The following FAM168B variants were observed in gnomAD, a reference collection of about 807,000 sequenced individuals.
FAM168B encodes the protein myelin-associated neurite-outgrowth inhibitor.
FAM168B carries 19 observed loss-of-function variants against 21.8 expected under a neutral mutation model. The ratio of observed to expected loss-of-function variants is 0.87; its 90% CI spans 0.61 to 1.28. The LOEUF (loss-of-function observed/expected upper bound fraction) is 1.28, where lower values mean the gene tolerates loss of function less well. Ranked by LOEUF, FAM168B falls within the 50% of genes most tolerant of loss-of-function variation. The probability of loss-of-function intolerance (pLI) is 0.00; values close to 1 mark genes in which losing one functional copy is unlikely to be tolerated. For missense variants in FAM168B, 233 were observed against 263.1 expected (o/e 0.89, Z 0.79); for synonymous variants, 126 against 104.8 (o/e 1.20, Z -1.24).
chr2:131,052,705 T>C (rs1045173338), intron 6 of FAM168B, among the ~76,000 whole-genome samples, 186 bp downstream of exon 6: 2 of 152,170 alleles, frequency 1.3e-5, no homozygotes, highest in African/African-American at 2.4e-5. Flanking sequence ...AGGTATTCAA[T>C]GGTTCCTTCC....
At chr2:131,076,168 T>G (rs2105543078) in intron 2 of FAM168B, among the ~76,000 whole-genome samples, 1 of 152,318 alleles carries the variant, frequency 6.6e-6, no homozygotes, top group South Asian at 2.1e-4. Context: ...ACAGTGAATC[T>G]GCAGGGTTCC....
intron 3 of FAM168B, among the ~76,000 whole-genome samples, chr2:131,057,214 G>A (rs992036624): frequency 2.6e-5 from 4 of 152,084 alleles, no homozygotes; most frequent in Non-Finnish European, 5.9e-5. Flanking sequence ...GAAAACACAG[G>A]TCCACGAAAG....
At chr2:131,078,945 C>A in intron 2 of FAM168B, among the ~76,000 whole-genome samples, 1 of 151,376 alleles carries the variant, frequency 6.6e-6, no homozygotes, top group East Asian at 1.9e-4. Flanking sequence ...CGTGACTACA[C>A]CACTGCACTG....
At chr2:131,091,579 G>A (rs1200368236) in intron 1 of FAM168B, among the ~76,000 whole-genome samples, 2 of 151,360 alleles carry the variant, frequency 1.3e-5, no homozygotes, top group Middle Eastern at 3.2e-3. Flanking sequence ...CCCGGGAGGC[G>A]GAGGTTGCAG....
chr2:131,077,689 G>A (rs566703162), intron 2 of FAM168B, among the ~76,000 whole-genome samples: 2 of 152,328 alleles, frequency 1.3e-5, no homozygotes, highest in African/African-American at 4.8e-5. Context: ...GGCCGTGGCT[G>A]GAGGACAGAG....
intron 5 of FAM168B, among the ~76,000 whole-genome samples, 159 bp from the exon 6 acceptor site, chr2:131,053,174 C>T (rs7603121): frequency 0.022 from 3,296 of 152,266 alleles, 127 homozygotes; most frequent in African/African-American, 0.075. Context: ...AGATAATCCC[C>T]CACACCCAAA....
At chr2:131,083,231 G>A (rs934458183) in intron 1 of FAM168B, among the ~76,000 whole-genome samples, 3 of 152,330 alleles carry the variant, frequency 2.0e-5, no homozygotes, top group East Asian at 1.9e-4. Flanking sequence ...GCGCGTGCCT[G>A]TAATCCCAGC....
intron 5 of FAM168B, among the ~76,000 whole-genome samples, chr2:131,053,533 T>TA (rs1691822819): frequency 6.6e-6 from 1 of 152,220 alleles, no homozygotes; most frequent in Non-Finnish European, 1.5e-5. Context: ...TCTGGAGCTC[T>TA]GTTTCACAAC....
intron 1 of FAM168B, among the ~76,000 whole-genome samples, chr2:131,085,959 C>T (rs1693674607): frequency 6.6e-6 from 1 of 152,180 alleles, no homozygotes; most frequent in Non-Finnish European, 1.5e-5. Flanking sequence ...CATAAGTAGT[C>T]ACATGTGGCT....
rs1376047627 is a variant in FAM168B at position 131,055,345 on chromosome 2, A to T, written c.402T>A (p.Ala134=). ...PNGMPATVYP[A]PIPPPRGNGV... ...CGTTGCCTCTAGGAGGGGGGATGGG[A>T]GCAGGGTACACCGTTGCAGGCATGC... is the stretch of plus-strand genomic sequence containing the variant. The change falls in exon 5 of 7, where the codon GCT becomes GCA. Residue 134 remains alanine (A), a synonymous_variant. Coordinates refer to ENST00000389915, the MANE Select transcript of FAM168B (RefSeq NM_001009993.4). 6.3e-7 allele frequency: 1 copy of T among 1,590,230 alleles called. No individual in the cohort carries two copies.
At chr2:131,078,138 T>C (rs776078529) in intron 2 of FAM168B, among the ~76,000 whole-genome samples, 1 of 152,118 alleles carries the variant, frequency 6.6e-6, no homozygotes, top group Non-Finnish European at 1.5e-5. Flanking sequence ...ACACCAGGCA[T>C]GCCAAGACAG....
intron 1 of FAM168B, among the ~76,000 whole-genome samples, chr2:131,083,899 T>C (rs1347471783): frequency 6.6e-6 from 1 of 151,552 alleles, no homozygotes; most frequent in Non-Finnish European, 1.5e-5. Flanking sequence ...TTTATTTATT[T>C]ATTTATTTAT....
In FAM168B at chr2:131,049,926, CT is replaced by C. The variant is rs975289999; in HGVS notation, c.*2538del. On this transcript the variant is annotated 3_prime_UTR_variant, in exon 7 of 7. Transcript: ENST00000389915. ...ATTACAACCTATGACAGTTTTGTGA[CT>C]ATTTCCTAAGTCCAGATTCTTACCT... 5 of 985,548 alleles carry C rather than the reference CT, an allele frequency of 5.1e-6. No individual in the cohort carries two copies. The African/African-American group carries it at 8.7e-5, about 17-fold the overall frequency. The allele number at this position is 985,548 out of a possible 1,614,324, so 61.1% of individuals were successfully genotyped here. A position where few individuals can be genotyped will look rare whatever the true frequency, so the allele number is the denominator to read the frequency against.
rs1344607377 is a variant in FAM168B, at chr2:131,051,113, G to A, written c.*1352C>T. 21 of 985,420 alleles carry A rather than the reference G, an allele frequency of 2.1e-5. No homozygotes were observed. Among genetic ancestry groups the A allele is most frequent in the Middle Eastern group, 5.2e-4 (1 of 1,914 alleles). The allele number at this position is 985,420 out of a possible 1,614,324, so 61.0% of individuals were successfully genotyped here. A position where few individuals can be genotyped will look rare whatever the true frequency, so the allele number is the denominator to read the frequency against. ...CCAGCACTGCCTGGCCCTCTCTGCT[G>A]TCTGTGCTTGCTTTGTGCCAAGTGC... On this transcript the variant is annotated 3_prime_UTR_variant, in exon 7 of 7. Transcript: ENST00000389915.
intron 2 of FAM168B, among the ~76,000 whole-genome samples, chr2:131,079,721 C>T (rs1693338490): frequency 6.6e-6 from 1 of 151,944 alleles, no homozygotes; most frequent in African/African-American, 2.4e-5. Flanking sequence ...GTTATAGCAG[C>T]CACAAAAAAA....
chr2:131,052,972 G>C lies in FAM168B; in HGVS notation c.519C>G (p.His173Gln). The change falls in exon 6 of 7, where the codon CAC becomes CAG. Residue 173 changes from histidine (H) to glutamine (Q), a missense_variant. Physicochemically the swap from His to Gln is conservative, Grantham distance 24. Transcript: ENST00000389915. ...CCCGGTACGTGGGCACAGTGACCGG[G>C]TGGGGGGCGACAGGAGTTGGGGAGT... ...TAHSPTPVAP[H>Q]PVTVPTYRAP... The C allele has an allele frequency of 6.4e-7, 1 of 1,560,676 alleles. No individual in the cohort carries two copies. Among genetic ancestry groups the C allele is most frequent in the Non-Finnish European group, 8.7e-7 (1 of 1,152,096 alleles).
intron 3 of FAM168B, among the ~76,000 whole-genome samples, chr2:131,069,116 G>A (rs576735171): frequency 6.6e-6 from 1 of 152,358 alleles, no homozygotes; most frequent in African/African-American, 2.4e-5. Context: ...CCCTGCCTCT[G>A]CTAGGCAGTG....
chr2:131,066,482 G>A (rs764721038), intron 3 of FAM168B, among the ~76,000 whole-genome samples: 20 of 152,200 alleles, frequency 1.3e-4, no homozygotes, highest in Non-Finnish European at 2.4e-4. Flanking sequence ...GCCTAAATTT[G>A]TACCTTTTAA....
chr2:131,066,418 G>A (rs1201328539), intron 3 of FAM168B, among the ~76,000 whole-genome samples: 2 of 152,110 alleles, frequency 1.3e-5, no homozygotes, highest in South Asian at 2.1e-4. Context: ...CTCGTGATCC[G>A]TCCGCCTCGG....
Sources: gnomAD v4.1 joint callset for allele counts (sites outside exome capture counted in the v4.1 genomes callset) on GRCh38, gnomAD v4.1.1 for gene constraint, MANE v1.5 for transcripts, NCBI Gene and HGNC (gene_info 2026-07-23, HGNC 2026-07-21) for gene names.